MLKL: variants seen among roughly 807,000 people sequenced by gnomAD.
MLKL encodes mixed lineage kinase domain-like protein.
MLKL carries 55 observed loss-of-function variants against 56.5 expected under a neutral mutation model. The observed-to-expected ratio is 0.97, with a 90% confidence interval of 0.78 to 1.22. MLKL has a LOEUF of 1.22. Ranked by LOEUF, MLKL falls within the 50% of genes most tolerant of loss-of-function variation. The probability of loss-of-function intolerance (pLI) is 0.00; values close to 1 mark genes in which losing one functional copy is unlikely to be tolerated. For synonymous variants in MLKL, 251 were observed against 208.3 expected (o/e 1.20, Z -1.76); for missense variants, 694 against 573.9 (o/e 1.21, Z -2.14).
chr16:74,680,046 G>C (rs1959844545), intron 6 of MLKL, among the ~76,000 whole-genome samples: 1 of 152,184 alleles, frequency 6.6e-6, no homozygotes, highest in Non-Finnish European at 1.5e-5. Context: ...ACTTACACCA[G>C]TCAGTGGTTA....
chr16:74,691,492 C>A lies in MLKL; in HGVS notation c.536-29G>T. 4.4e-6 allele frequency: 7 copies of A among 1,595,840 alleles called. No individual in the cohort carries two copies. The African/African-American group carries it at 6.8e-5, about 16-fold the overall frequency. On this transcript the variant is annotated intron_variant, in intron 3 of 10. Transcript: ENST00000308807. ...ACCTCACCCCCGAGAGGAAAGAAGA[C>A]AAAAGAGTCAATGAGCAGAGGAAGG...
intron 1 of MLKL, among the ~76,000 whole-genome samples, chr16:74,700,245 T>A (rs1961306664): frequency 6.6e-6 from 1 of 152,102 alleles, no homozygotes; most frequent in Non-Finnish European, 1.5e-5. Flanking sequence ...CGACCCCCAC[T>A]GCTACTGGGC....
chr16:74,680,390 T>G (rs1000274232), intron 6 of MLKL, among the ~76,000 whole-genome samples: 1 of 152,230 alleles, frequency 6.6e-6, no homozygotes, highest in African/African-American at 2.4e-5. Context: ...TAAGGTGGTA[T>G]GCAAGATTAT....
At chr16:74,694,221 G>C (rs1960879727) in intron 2 of MLKL, among the ~76,000 whole-genome samples, 1 of 152,166 alleles carries the variant, frequency 6.6e-6, no homozygotes, top group Admixed American at 6.5e-5. Flanking sequence ...TAGATTGTGT[G>C]ATTGTATCTC....
At chr16:74,687,568 T>A (rs1481156653) in intron 4 of MLKL, among the ~76,000 whole-genome samples, 1 of 152,158 alleles carries the variant, frequency 6.6e-6, no homozygotes, top group East Asian at 1.9e-4. Flanking sequence ...ATCACAAGGT[T>A]ACAGTAATGA....
intron 1 of MLKL, among the ~76,000 whole-genome samples, chr16:74,697,218 G>T (rs1961099458): frequency 6.6e-6 from 1 of 151,640 alleles, no homozygotes. Flanking sequence ...GAAGCACAGA[G>T]CCCTGATCCT....
intron 5 of MLKL, among the ~76,000 whole-genome samples, chr16:74,683,850 A>G (rs1960151766): frequency 2.0e-5 from 3 of 152,288 alleles, no homozygotes; most frequent in Admixed American, 1.3e-4. Flanking sequence ...CGACTTCCCC[A>G]TTCATGGGCC....
intron 6 of MLKL, among the ~76,000 whole-genome samples, chr16:74,681,030 AT>A (rs369918996): frequency 0.035 from 5,260 of 151,340 alleles, 167 homozygotes; most frequent in African/African-American, 0.084. Context: ...TTCAATTATT[AT>A]TATTATTTTT....
chr16:74,688,043 C>G (rs911815143), intron 4 of MLKL, among the ~76,000 whole-genome samples: 4 of 152,196 alleles, frequency 2.6e-5, no homozygotes, highest in Non-Finnish European at 5.9e-5. Flanking sequence ...CCAGGATGGT[C>G]TTGATCTCCT....
At chr16:74,686,406 C>G (rs1338914340) in intron 4 of MLKL, among the ~76,000 whole-genome samples, 2 of 152,162 alleles carry the variant, frequency 1.3e-5, no homozygotes, top group Non-Finnish European at 2.9e-5. Context: ...CATGGTGAAA[C>G]CCCGTCTCTA....
chr16:74,688,233 G>A (rs1238179361), intron 4 of MLKL, among the ~76,000 whole-genome samples: 1 of 152,122 alleles, frequency 6.6e-6, no homozygotes, highest in Non-Finnish European at 1.5e-5. Flanking sequence ...GCCTCCCAAA[G>A]TGCTAGGATT....
chr16:74,685,559 C>G lies in MLKL; in HGVS notation c.747G>C (p.Lys249Asn), dbSNP rs1182526299. Reference sequence around the variant, plus strand: ...CGAATTTCTTCATGGTTTTGATCTCCTTATTGAAAGTCTGCCTCACTATTC... The same window carrying G: ...CGAATTTCTTCATGGTTTTGATCTCGTTATTGAAAGTCTGCCTCACTATTC... Reference protein sequence around the residue: ...SIAIVRQTFNKEIKTMKKFES... With the variant: ...SIAIVRQTFNNEIKTMKKFES... The change falls in exon 5 of 11, where the codon AAG (lysine) becomes AAC (asparagine). Residue 249 changes from lysine (K) to asparagine (N), a missense_variant. By Grantham distance (94) the Lys-to-Asn change is moderately conservative. Transcript: ENST00000308807. 1.2e-6 allele frequency: 2 copies of G among 1,613,832 alleles called. No homozygotes were observed. Among genetic ancestry groups the G allele is most frequent in the East Asian group, 4.5e-5 (2 of 44,882 alleles).
At chr16:74,678,336 A>C in intron 7 of MLKL, 1 of 155,606 alleles carries the variant, frequency 6.4e-6, no homozygotes, top group Admixed American at 6.3e-5. Context: ...CAGGCATCTA[A>C]GGGGAAATGA....
chr16:74,692,454 A>G (rs566327811), intron 2 of MLKL, 38 bp from the exon 3 acceptor site: 2 of 1,528,810 alleles, frequency 1.3e-6, no homozygotes, highest in South Asian at 1.2e-5. Flanking sequence ...CAAAATAGAT[A>G]TTAAAATCAC....
chr16:74,687,879 G>A (rs1198057095), intron 4 of MLKL, among the ~76,000 whole-genome samples: 1 of 151,908 alleles, frequency 6.6e-6, no homozygotes, highest in Non-Finnish European at 1.5e-5. Context: ...AGGCTGGAGT[G>A]CAGTGGCGTG....
rs1484104302 is a variant in MLKL at position 74,692,210 on chromosome 16, C to T, written c.535+132G>A. On this transcript the variant is annotated intron_variant, in intron 3 of 10. Transcript: ENST00000308807. Reference sequence around the variant, plus strand: ...GGCTAGCCATGAATGGATCCCCAAACCTGTGGGCTGCTTCCAGCCATCCAG... The same window carrying T: ...GGCTAGCCATGAATGGATCCCCAAATCTGTGGGCTGCTTCCAGCCATCCAG... The T allele has an allele frequency of 1.1e-5, 9 of 783,636 alleles. No homozygotes were observed. The East Asian group carries it at 1.5e-4, about 13-fold the overall frequency. The allele number at this position is 783,636 out of a possible 1,614,324, so 48.5% of individuals were successfully genotyped here.
intron 5 of MLKL, among the ~76,000 whole-genome samples, chr16:74,684,251 G>A (rs919558722): frequency 9.2e-5 from 14 of 151,546 alleles, no homozygotes; most frequent in African/African-American, 3.4e-4. Flanking sequence ...CCTGGCCTAC[G>A]TTTCCCTTTA....
rs772728950 is a variant in MLKL at position 74,685,498 on chromosome 16, T to G, written c.808A>C (p.Ile270Leu). 1.9e-6 allele frequency: 3 copies of G among 1,613,892 alleles called. No homozygotes were observed. Among genetic ancestry groups the G allele is most frequent in the Non-Finnish European group, 1.7e-6 (2 of 1,179,800 alleles). The change falls in exon 5 of 11, where the codon ATT (isoleucine) becomes CTT (leucine). Residue 270 changes from isoleucine (I) to leucine (L), a missense_variant. Transcript: ENST00000308807. ...PNILRIFGICIDETVTPPQFS... is the reference protein window; with the variant it reads ...PNILRIFGICLDETVTPPQFS... ...AAGCATTCCTTACCTGTTTCATCAA[T>G]GCAAATCCCAAATATACGCAGGATG...
intron 7 of MLKL, 109 bp from the exon 8 acceptor site, chr16:74,675,873 G>A: frequency 8.2e-7 from 1 of 1,212,308 alleles, no homozygotes; most frequent in Non-Finnish European, 1.2e-6. Flanking sequence ...TTTACCTTAG[G>A]GATTTATTTC....
Sources: gnomAD v4.1 joint callset for allele counts (sites outside exome capture counted in the v4.1 genomes callset) on GRCh38, gnomAD v4.1.1 for gene constraint, MANE v1.5 for transcripts, NCBI Gene and HGNC (gene_info 2026-07-23, HGNC 2026-07-21) for gene names.